RPTOR: variants seen among roughly 807,000 people sequenced by gnomAD.
RPTOR encodes regulatory-associated protein of mTOR.
A neutral mutation model predicts 169.9 loss-of-function variants in RPTOR; 21 were observed. That is an observed-to-expected ratio of 0.12 (90% CI 0.09 to 0.18). The LOEUF is 0.18. Ranked by LOEUF, RPTOR falls within the 10% of genes least tolerant of loss-of-function variation. The pLI is 1.00. For missense variants in RPTOR, 1,133 were observed against 1,855.9 expected, an observed-to-expected ratio of 0.61 and a Z score of 7.16; for synonymous variants, 732 against 753.2, an observed-to-expected ratio of 0.97 and a Z score of 0.46.
intron 1 of RPTOR, among the ~76,000 whole-genome samples, chr17:80,603,627 G>A (rs945110893): frequency 6.6e-6 from 1 of 152,170 alleles, no homozygotes; most frequent in Non-Finnish European, 1.5e-5. Flanking sequence ...GAAAGATAAC[G>A]AAGCAAAACC....
chr17:80,632,057 C>T (rs1166444664), intron 2 of RPTOR, among the ~76,000 whole-genome samples: 1 of 152,132 alleles, frequency 6.6e-6, no homozygotes, highest in African/African-American at 2.4e-5. Context: ...TGACAGTTCC[C>T]TCACCCCTTC....
intron 9 of RPTOR, among the ~76,000 whole-genome samples, chr17:80,835,842 G>C (rs775549832): frequency 6.6e-5 from 10 of 152,192 alleles, no homozygotes; most frequent in Non-Finnish European, 1.2e-4. Flanking sequence ...TTAGAGAAGA[G>C]ATACTCAACC....
At chr17:80,951,922 C>T (rs759994344) in intron 28 of RPTOR, among the ~76,000 whole-genome samples, 1 of 152,204 alleles carries the variant, frequency 6.6e-6, no homozygotes, top group Non-Finnish European at 1.5e-5. Flanking sequence ...CCAGGGTGGC[C>T]CTAACCCAAT....
chr17:80,929,306 C>T (rs571017430), intron 24 of RPTOR, among the ~76,000 whole-genome samples: 1 of 152,204 alleles, frequency 6.6e-6, no homozygotes, highest in Non-Finnish European at 1.5e-5. Context: ...CGGGAGGAGG[C>T]TTGGCCAGTT....
intron 4 of RPTOR, among the ~76,000 whole-genome samples, chr17:80,725,006 T>C (rs2066319481): frequency 6.6e-6 from 1 of 152,194 alleles, no homozygotes; most frequent in Non-Finnish European, 1.5e-5. Flanking sequence ...ATCTGTTTGG[T>C]ATGTGAGGGG....
chr17:80,724,826 C>T (rs779456936), intron 4 of RPTOR, among the ~76,000 whole-genome samples: 80 of 152,218 alleles, frequency 5.3e-4, no homozygotes, highest in Admixed American at 2.0e-4. Context: ...GCCGCCCCCA[C>T]GACACTTGCG....
chr17:80,938,833 A>T (rs6565497), intron 24 of RPTOR, among the ~76,000 whole-genome samples: 92,101 of 152,184 alleles, frequency 0.61, 28,607 homozygotes, highest in African/African-American at 0.75. Flanking sequence ...CTGTTTTGTA[A>T]TCAGAGCTGA....
intron 3 of RPTOR, among the ~76,000 whole-genome samples, chr17:80,666,217 A>G (rs1410177471): frequency 1.3e-5 from 2 of 150,218 alleles, no homozygotes; most frequent in African/African-American, 5.1e-5. Context: ...TCTCCTTGAT[A>G]TTATCTAAAA....
chr17:80,840,427 A>G (rs2067618142), intron 10 of RPTOR, among the ~76,000 whole-genome samples: 1 of 128,232 alleles, frequency 7.8e-6, no homozygotes, highest in Non-Finnish European at 1.6e-5. Context: ...ATGGCAGCTC[A>G]CTCTCACCAC....
rs140026594 is a variant in RPTOR, at chr17:80,615,312, C to T, written c.163-10379C>T. The stretch of plus-strand genomic sequence containing the variant: ...ACAGGGTGCTCACCTCCCTGTGGAA[C>T]GGGGGCCTCGAGTCTCAGGGTCTAG... On this transcript the variant is annotated intron_variant, in intron 1 of 33. Transcript: ENST00000306801. Among the ~76,000 whole-genome samples the T allele has an allele frequency of 2.5e-3, 385 of 152,216 alleles. 2 individuals are homozygous for T. Among genetic ancestry groups the T allele is most frequent in the African/African-American group, 8.4e-3 (347 of 41,512 alleles).
At chr17:80,668,396 T>C (rs2065796874) in intron 3 of RPTOR, among the ~76,000 whole-genome samples, 1 of 152,190 alleles carries the variant, frequency 6.6e-6, no homozygotes, top group South Asian at 2.1e-4. Flanking sequence ...TAGAGCAGGC[T>C]TGTGTTCTTT....
intron 7 of RPTOR, among the ~76,000 whole-genome samples, chr17:80,811,022 AATAC>A (rs1245406903): frequency 1.3e-5 from 2 of 152,214 alleles, no homozygotes; most frequent in Admixed American, 6.5e-5. Context: ...GTCATCTGAA[AATAC>A]ATACAGTTTG....
chr17:80,621,644 AC>A (rs983608391), intron 1 of RPTOR, among the ~76,000 whole-genome samples: 1 of 152,176 alleles, frequency 6.6e-6, no homozygotes, highest in Non-Finnish European at 1.5e-5. Context: ...GAACGCCACC[AC>A]CTAGTTCATG....
At chr17:80,939,655 G>T (rs1333591371) in intron 24 of RPTOR, among the ~76,000 whole-genome samples, 1 of 152,154 alleles carries the variant, frequency 6.6e-6, no homozygotes, top group African/African-American at 2.4e-5. Context: ...TCGGGGCCCG[G>T]CCTGGCCTCT....
rs2066149413 is a variant in RPTOR, at chr17:80,707,325, C to T, written c.349-516C>T. On this transcript the variant is annotated intron_variant, in intron 3 of 33. Transcript: ENST00000306801. This position sits in a 1 kb window ranked among gnomAD's most constrained non-coding sequence, Gnocchi z 5.0. ...TGTGACAGGCATTACTTGTTTATCT[C>T]ATTGTTGTTCCTAGTAGTTCTCAAT... is the stretch of plus-strand genomic sequence containing the variant. Among the ~76,000 whole-genome samples the T allele has an allele frequency of 6.6e-6, 1 of 152,204 alleles. No individual in the cohort carries two copies.
At position 80,545,063 on chromosome 17, in the gene RPTOR, C is replaced by G. The variant is rs1056996022; in HGVS notation, c.-567C>G. 8.6e-6 allele frequency: 2 copies of G among 233,232 alleles called. No homozygotes were observed. Among genetic ancestry groups the G allele is most frequent in the African/African-American group, 4.4e-5 (2 of 45,336 alleles). The allele number at this position is 233,232 out of a possible 1,614,324, so 14.4% of individuals were successfully genotyped here. ...GGACCTGAGGTTGAGGAACCGGGTGCAGGCGAGCACGATGGGCCGGTCGTG... is the reference window on the plus strand; with the variant it reads ...GGACCTGAGGTTGAGGAACCGGGTGGAGGCGAGCACGATGGGCCGGTCGTG... On this transcript the variant is annotated 5_prime_UTR_variant, in exon 1 of 34. Coordinates refer to ENST00000306801, the MANE Select transcript of RPTOR (RefSeq NM_020761.3).
rs571080521 is a variant in RPTOR at position 80,633,362 on chromosome 17, C to T, written c.265+7569C>T. The stretch of plus-strand genomic sequence containing the variant: ...AGTGTCCCAGGAATGTCCTTTGTAG[C>T]GCCAGGATCCTGCTCAGCCATGCGC... On this transcript the variant is annotated intron_variant, in intron 2 of 33. Coordinates refer to ENST00000306801, the MANE Select transcript of RPTOR (RefSeq NM_020761.3). The surrounding 1 kb of genome is among the most constrained non-coding windows in gnomAD (Gnocchi z 4.1). 3.7e-4 allele frequency among the ~76,000 whole-genome samples: 57 copies of T among 152,338 alleles called. No individual in the cohort carries two copies. Among genetic ancestry groups the T allele is most frequent in the Admixed American group, 1.2e-3 (19 of 15,310 alleles).
chr17:80,812,998 G>A (rs962592434), intron 7 of RPTOR, among the ~76,000 whole-genome samples: 9 of 152,198 alleles, frequency 5.9e-5, no homozygotes, highest in East Asian at 5.8e-4. Flanking sequence ...TCTTGTTCCC[G>A]TTCCTGTCCC....
chr17:80,764,083 A>C (rs2066761307), intron 6 of RPTOR, among the ~76,000 whole-genome samples: 1 of 151,880 alleles, frequency 6.6e-6, no homozygotes, highest in African/African-American at 2.4e-5. Flanking sequence ...AATCTCTTTA[A>C]CTAACTTGAA....
Sources: allele counts gnomAD v4.1 joint callset (sites outside exome capture counted in the v4.1 genomes callset), GRCh38; gene constraint gnomAD v4.1.1; non-coding constraint Gnocchi (gnomAD v3.1); transcripts MANE v1.5; gene names NCBI Gene and HGNC (gene_info 2026-07-23, HGNC 2026-07-21).